Variants in ITGA1 observed in about 807,000 individuals in gnomAD.
The protein encoded by ITGA1 is integrin subunit alpha 1.
ITGA1 carries 85 observed loss-of-function variants against 145.9 expected under a neutral mutation model. That is an observed-to-expected ratio of 0.58 (90% confidence interval 0.49 to 0.70). The LOEUF (loss-of-function observed/expected upper bound fraction) is 0.70. Among genes scored for constraint, ITGA1 ranks in the 30% least tolerant of loss-of-function variants. The pLI is 0.00. For synonymous variants in ITGA1, 520 were observed against 495.3 expected, an observed-to-expected ratio of 1.05 and a Z score of -0.66; for missense variants, 1,351 against 1,418.7, an observed-to-expected ratio of 0.95 and a Z score of 0.77.
At chr5:52,791,766 A>T (rs1467155370) in intron 1 of ITGA1, among the ~76,000 whole-genome samples, 1 of 152,066 alleles carries the variant, frequency 6.6e-6, no homozygotes, top group Non-Finnish European at 1.5e-5. Flanking sequence ...TTAGCCTTGA[A>T]AAAAAGAAAA....
intron 8 of ITGA1, among the ~76,000 whole-genome samples, chr5:52,891,555 T>TAAAAAAAAAAAAAAAAAAAA (rs56185635): frequency 8.4e-6 from 1 of 118,882 alleles, no homozygotes. Context: ...TCATGAACAC[T>TAAAAAAAAAAAAAAAAAAAA]AAAAAAAAAA....
chr5:52,856,136 T>C (rs1749508842), intron 2 of ITGA1, among the ~76,000 whole-genome samples: 1 of 152,176 alleles, frequency 6.6e-6, no homozygotes, highest in Non-Finnish European at 1.5e-5. Context: ...GCCAAATGCT[T>C]GCCAAATCTC....
At chr5:52,881,500 C>A (rs1323815842) in intron 6 of ITGA1, among the ~76,000 whole-genome samples, 1 of 152,104 alleles carries the variant, frequency 6.6e-6, no homozygotes, top group Non-Finnish European at 1.5e-5. Flanking sequence ...TGCAATTGTT[C>A]ATGTATTTGA....
intron 6 of ITGA1, among the ~76,000 whole-genome samples, chr5:52,872,076 G>A (rs1236643579): frequency 6.6e-6 from 1 of 152,088 alleles, no homozygotes; most frequent in Non-Finnish European, 1.5e-5. Context: ...TATACTAACG[G>A]AACAATGTCT....
At chr5:52,893,563 A>T in intron 8 of ITGA1, 112 bp from the exon 9 acceptor site, 1 of 874,670 alleles carries the variant, frequency 1.1e-6, no homozygotes, top group Non-Finnish European at 1.6e-6. Flanking sequence ...GTACATAAAA[A>T]TTCCATTATG....
intron 1 of ITGA1, among the ~76,000 whole-genome samples, chr5:52,833,926 G>A: frequency 6.6e-6 from 1 of 152,074 alleles, no homozygotes; most frequent in Non-Finnish European, 1.5e-5. Flanking sequence ...ATAATAATTA[G>A]AATCAATAAG....
At chr5:52,889,727 A>C (rs1478267319) in intron 8 of ITGA1, 1 of 152,398 alleles carries the variant, frequency 6.6e-6, no homozygotes, top group Non-Finnish European at 1.5e-5. Context: ...AGGGTGCTTG[A>C]GGTCTGTTTT....
intron 1 of ITGA1, among the ~76,000 whole-genome samples, chr5:52,845,175 G>A (rs943998667): frequency 6.6e-6 from 1 of 152,138 alleles, no homozygotes; most frequent in Non-Finnish European, 1.5e-5. Flanking sequence ...GTCTTATGTT[G>A]AGGAGGGGGT....
intron 1 of ITGA1, chr5:52,803,321 T>C (rs1237528090): frequency 1.5e-5 from 2 of 135,836 alleles, no homozygotes; most frequent in Admixed American, 1.6e-4. Context: ...TCATTATAAT[T>C]CCGTGAGTAT....
At chr5:52,800,604 G>C (rs1357989797) in intron 1 of ITGA1, 1 of 1,613,846 alleles carries the variant, frequency 6.2e-7, no homozygotes, top group South Asian at 1.1e-5. Context: ...TCTGCGTGGA[G>C]GCCATCGACT....
In ITGA1 at chr5:52,881,873, G is replaced by A. The variant is rs768957033; in HGVS notation, c.625G>A (p.Val209Ile). 12 of 1,604,598 alleles carry A rather than the reference G, an allele frequency of 7.5e-6. No individual in the cohort carries two copies. The East Asian group carries it at 2.5e-4, about 33-fold the overall frequency. ...AACTCACAGTGGCTTGGTATTTCAG[G>A]TTGGAATTGTACAGTATGGAGAAAA... is the stretch of plus-strand genomic sequence containing the variant. ...RMDIGPKQTQ[V>I]GIVQYGENVT... Residue 209 changes from valine to isoleucine, a missense_variant and splice_region_variant, in exon 7 of 29, where the codon GTT (valine) becomes ATT (isoleucine). By Grantham distance (29) the Val-to-Ile change is conservative. Transcript: ENST00000282588.
intron 1 of ITGA1, among the ~76,000 whole-genome samples, chr5:52,845,074 A>G (rs1484576077): frequency 1.3e-5 from 2 of 152,214 alleles, no homozygotes; most frequent in Non-Finnish European, 2.9e-5. Context: ...AGGACAGGAA[A>G]TGAAAAAAGA....
chr5:52,847,005 G>C (rs374072386), intron 1 of ITGA1, among the ~76,000 whole-genome samples: 45 of 152,188 alleles, frequency 3.0e-4, no homozygotes, highest in African/African-American at 1.0e-3. Context: ...TGTGTACAAG[G>C]AGTTGTGCTA....
intron 1 of ITGA1, chr5:52,800,876 C>T (rs1326917932): frequency 2.5e-6 from 4 of 1,612,004 alleles, no homozygotes; most frequent in Non-Finnish European, 3.4e-6. Flanking sequence ...CTCACTCGGG[C>T]CAAGGTGGAG....
intron 6 of ITGA1, among the ~76,000 whole-genome samples, chr5:52,876,782 CA>C (rs1425011541): frequency 6.6e-6 from 1 of 152,166 alleles, no homozygotes; most frequent in African/African-American, 2.4e-5. Flanking sequence ...TGCACTCAAA[CA>C]GTTGAGAAGA....
chr5:52,800,726 C>T (rs1444644831), intron 1 of ITGA1: 7 of 1,614,232 alleles, frequency 4.3e-6, no homozygotes, highest in Non-Finnish European at 5.1e-6. Flanking sequence ...CGCCAGTTCA[C>T]CCTGGCCAAG....
At chr5:52,919,596 T>A (rs1467308611) in intron 16 of ITGA1, among the ~76,000 whole-genome samples, 6 of 152,206 alleles carry the variant, frequency 3.9e-5, no homozygotes, top group African/African-American at 1.4e-4. Flanking sequence ...ATCCTTAAAA[T>A]CTGTTTTTCT....
At chr5:52,912,311 A>C (rs62651801) in intron 14 of ITGA1, among the ~76,000 whole-genome samples, 1 of 143,578 alleles carries the variant, frequency 7.0e-6, no homozygotes, top group Non-Finnish European at 1.5e-5. Context: ...TATATCTACT[A>C]TATACTATAT....
chr5:52,889,845 A>C (rs1171324919), intron 8 of ITGA1: 1 of 151,724 alleles, frequency 6.6e-6, no homozygotes, highest in Non-Finnish European at 1.5e-5. Flanking sequence ...CTGTACCTTC[A>C]TGGTCACTGG....
Sources: allele counts gnomAD v4.1 joint callset (sites outside exome capture counted in the v4.1 genomes callset), GRCh38; gene constraint gnomAD v4.1.1; transcripts MANE v1.5; gene names NCBI Gene and HGNC (gene_info 2026-07-23, HGNC 2026-07-21).